The following DIS3L2 variants were observed in gnomAD, a reference collection of about 807,000 sequenced individuals.
DIS3L2 encodes the protein DIS3 like 3'-5' exoribonuclease 2, also known as DIS3-like exonuclease 2.
A neutral mutation model predicts 97.5 loss-of-function variants in DIS3L2; 34 were observed. The observed-to-expected ratio is 0.35, with a 90% CI of 0.27 to 0.46. The LOEUF is 0.46. Among genes scored for constraint, DIS3L2 ranks in the 20% least tolerant of loss-of-function variants. The probability of loss-of-function intolerance (pLI) is 1.00; values close to 1 mark genes in which losing one functional copy is unlikely to be tolerated. For synonymous variants in DIS3L2, 435 were observed against 445.2 expected (o/e 0.98, Z 0.29); for missense variants, 1,038 against 1,146.0 (o/e 0.91, Z 1.36).
chr2:232,129,463 G>A (rs534140774), intron 6 of DIS3L2, among the ~76,000 whole-genome samples: 2 of 152,250 alleles, frequency 1.3e-5, no homozygotes, highest in Non-Finnish European at 1.5e-5. Flanking sequence ...CCTTGCTGAT[G>A]TCCTCTTTCA....
intron 13 of DIS3L2, 85 bp from the exon 14 acceptor site, chr2:232,299,955 T>G: frequency 5.8e-6 from 8 of 1,371,936 alleles, no homozygotes; most frequent in Non-Finnish European, 8.2e-6. Flanking sequence ...TGTGACTTCG[T>G]TTGATTTTAT....
chr2:232,280,136 C>A (rs901284505), intron 13 of DIS3L2, among the ~76,000 whole-genome samples: 6 of 152,186 alleles, frequency 3.9e-5, no homozygotes, highest in Non-Finnish European at 2.9e-5. Flanking sequence ...TTAGTTTCTT[C>A]CTTTTTTAAA....
At chr2:232,324,870 G>A (rs531142534) in intron 14 of DIS3L2, among the ~76,000 whole-genome samples, 1 of 152,284 alleles carries the variant, frequency 6.6e-6, no homozygotes, top group East Asian at 1.9e-4. Flanking sequence ...GGTAGGGCTG[G>A]CATTCCATGC....
At chr2:232,110,140 A>G (rs1007047089) in intron 6 of DIS3L2, among the ~76,000 whole-genome samples, 3 of 152,220 alleles carry the variant, frequency 2.0e-5, no homozygotes, top group Non-Finnish European at 4.4e-5. Context: ...ACAAATCAGA[A>G]CCACAATGAG....
At chr2:232,341,081 T>A, downstream of DIS3L2, 1 of 379,898 alleles carries the variant, frequency 2.6e-6, no homozygotes, top group South Asian at 2.0e-5. Flanking sequence ...TGGAGACACA[T>A]TTCAGCGCCA....
intron 9 of DIS3L2, among the ~76,000 whole-genome samples, chr2:232,175,528 G>C (rs1226997117): frequency 1.3e-5 from 2 of 152,060 alleles, no homozygotes; most frequent in African/African-American, 4.8e-5. Flanking sequence ...AATGAGTTTT[G>C]GAAGAGTTTG....
intron 10 of DIS3L2, among the ~76,000 whole-genome samples, chr2:232,213,661 G>GTGTT (rs763193400): frequency 3.7e-5 from 3 of 80,740 alleles, no homozygotes; most frequent in African/African-American, 4.8e-5. Flanking sequence ...ATCATCTGTA[G>GTGTT]TTTTTTTTTT....
intron 5 of DIS3L2, among the ~76,000 whole-genome samples, chr2:232,057,498 A>G (rs1695577519): frequency 6.6e-6 from 1 of 152,148 alleles, no homozygotes; most frequent in South Asian, 2.1e-4. Flanking sequence ...TCATCAGGTG[A>G]GCCCTTTAAA....
Position 232,136,666 on chromosome 2 carries a change from A to C in DIS3L2, c.897A>C (p.Thr299=), listed in dbSNP as rs745823386. The change falls in exon 8 of 21, where the codon ACA becomes ACC. Residue 299 remains threonine, a synonymous_variant. Transcript: ENST00000325385. ...CACGGCCTAAAGATTATGCCAACAC[A>C]CTGTTCATCTGCCGCATTGTGGACT... is the stretch of plus-strand genomic sequence containing the variant. ...FVARPKDYAN[T]LFICRIVDWK... 6.2e-7 allele frequency: 1 copy of C among 1,613,846 alleles called. No individual in the cohort carries two copies. The highest frequency in any genetic ancestry group is 8.5e-7 in the Non-Finnish European group (1 of 1,179,914).
At chr2:232,156,004 G>A (rs1469308667) in intron 8 of DIS3L2, among the ~76,000 whole-genome samples, 2 of 151,218 alleles carry the variant, frequency 1.3e-5, no homozygotes, top group Admixed American at 1.3e-4. Flanking sequence ...AAAAAAAAAA[G>A]TTTTCTATTC....
intron 11 of DIS3L2, among the ~76,000 whole-genome samples, chr2:232,248,041 A>G (rs1693312804): frequency 6.6e-6 from 1 of 152,176 alleles, no homozygotes; most frequent in Non-Finnish European, 1.5e-5. Flanking sequence ...ATACCAAACA[A>G]TTGCCAATTA....
At chr2:232,299,171 A>G (rs1368119344) in intron 13 of DIS3L2, among the ~76,000 whole-genome samples, 2 of 152,102 alleles carry the variant, frequency 1.3e-5, no homozygotes, top group Non-Finnish European at 2.9e-5. Context: ...GACTTCTAAA[A>G]TGTACCTCAA....
rs568562617 is a variant in DIS3L2, at chr2:231,975,975, C to T, written c.-94+14210C>T. On this transcript the variant is annotated intron_variant, in intron 1 of 20. Coordinates refer to ENST00000325385, the MANE Select transcript of DIS3L2 (RefSeq NM_152383.5). ...TACTCTCTTTTTCTCTCCTCTTTCTCTCTTAGACATACACACACATACACA... is the reference window on the plus strand; with the variant it reads ...TACTCTCTTTTTCTCTCCTCTTTCTTTCTTAGACATACACACACATACACA... Among the ~76,000 whole-genome samples, 19 of 152,132 alleles carry T rather than the reference C, an allele frequency of 1.2e-4. No individual in the cohort carries two copies. The South Asian group carries it at 4.0e-3, about 32-fold the overall frequency.
rs183995240 is a variant in DIS3L2 at position 232,076,338 on chromosome 2, T to C, written c.367-11149T>C. 3.9e-4 allele frequency among the ~76,000 whole-genome samples: 60 copies of C among 152,330 alleles called. 1 individual carries two copies. In the East Asian group the frequency reaches 8.7e-3, roughly 22 times the overall value. On this transcript the variant is annotated intron_variant, in intron 5 of 20. Transcript: ENST00000325385. ...CCAGGGCTCCGGAGTCCAGTGGATC[T>C]GCTTTCTGCTTTCCCTCATAGTCCT... is the stretch of plus-strand genomic sequence containing the variant.
At chr2:232,205,222 A>ATG (rs1423892035) in intron 9 of DIS3L2, among the ~76,000 whole-genome samples, 1 of 148,316 alleles carries the variant, frequency 6.7e-6, no homozygotes, top group Non-Finnish European at 1.5e-5. Context: ...ATATATATAT[A>ATG]TATATATATA....
intron 5 of DIS3L2, among the ~76,000 whole-genome samples, chr2:232,087,006 A>T (rs1365308785): frequency 1.3e-5 from 2 of 152,014 alleles, no homozygotes; most frequent in African/African-American, 4.8e-5. Context: ...TTTTATAAGA[A>T]CATTTTATAA....
At chr2:232,252,405 G>A (rs987234272) in intron 12 of DIS3L2, among the ~76,000 whole-genome samples, 9 of 152,048 alleles carry the variant, frequency 5.9e-5, no homozygotes, top group South Asian at 2.1e-4. Context: ...GTGAAACTCC[G>A]TCTGAAAAAA....
intron 6 of DIS3L2, among the ~76,000 whole-genome samples, chr2:232,097,982 G>A (rs986378328): frequency 2.0e-5 from 3 of 152,128 alleles, no homozygotes; most frequent in African/African-American, 7.2e-5. Context: ...GTCCTACCGT[G>A]ACTGAGTCAT....
intron 13 of DIS3L2, among the ~76,000 whole-genome samples, chr2:232,270,594 T>C (rs1167365173): frequency 6.7e-6 from 1 of 149,676 alleles, no homozygotes; most frequent in Admixed American, 6.6e-5. Context: ...AATAGTACCA[T>C]GGCCATGGCC....
Sources: allele counts gnomAD v4.1 joint callset (sites outside exome capture counted in the v4.1 genomes callset), GRCh38; gene constraint gnomAD v4.1.1; transcripts MANE v1.5; gene names NCBI Gene and HGNC (gene_info 2026-07-23, HGNC 2026-07-21).